ITCH: variants seen among roughly 807,000 people sequenced by gnomAD.
The protein encoded by ITCH is E3 ubiquitin-protein ligase Itchy homolog.
A neutral mutation model predicts 126.8 loss-of-function variants in ITCH; 28 were observed. The ratio of observed to expected loss-of-function variants is 0.22; its 90% CI spans 0.16 to 0.30. The LOEUF is 0.30. ITCH is among the 10% of genes least tolerant of loss of function. ITCH has a pLI of 1.00. For synonymous variants in ITCH, 342 were observed against 340.0 expected, an observed-to-expected ratio of 1.01 and a Z score of -0.06; for missense variants, 631 against 1,032.4, an observed-to-expected ratio of 0.61 and a Z score of 5.33.
At chr20:34,456,186 A>G (rs6119499) in intron 12 of ITCH, among the ~76,000 whole-genome samples, 1,644 of 41,726 alleles carry the variant, frequency 0.039, 32 homozygotes, top group African/African-American at 0.12. Context: ...GTGTGTGTGT[A>G]TATATATATA....
At chr20:34,412,437 AC>A (rs1979169843) in intron 4 of ITCH, 77 bp from the exon 5 acceptor site, 6 of 1,156,140 alleles carry the variant, frequency 5.2e-6, no homozygotes, top group Non-Finnish European at 7.6e-6. Context: ...AGACTTTAAA[AC>A]TGAATTGTAA....
At chr20:34,389,366 A>C (rs1455075021) in intron 2 of ITCH, among the ~76,000 whole-genome samples, 1 of 152,098 alleles carries the variant, frequency 6.6e-6, no homozygotes, top group Non-Finnish European at 1.5e-5. Flanking sequence ...GGATCTGTGC[A>C]GTTCAAACCA....
At chr20:34,489,993 T>C (rs981074502) in intron 22 of ITCH, 67 bp downstream of exon 22, 11 of 1,121,174 alleles carry the variant, frequency 9.8e-6, no homozygotes, top group South Asian at 2.5e-5. Context: ...TTACCACATA[T>C]GGAAATGAGT....
At chr20:34,382,103 C>T (rs2038088201) in intron 2 of ITCH, among the ~76,000 whole-genome samples, 1 of 152,070 alleles carries the variant, frequency 6.6e-6, no homozygotes. Context: ...ATCGGAGGGG[C>T]TAATCTTGGG....
At chr20:34,435,174 G>A (rs867392528) in intron 7 of ITCH, among the ~76,000 whole-genome samples, 1 of 145,122 alleles carries the variant, frequency 6.9e-6, no homozygotes, top group South Asian at 2.1e-4. Context: ...TTGTTTTTGG[G>A]TTTTTTTTTT....
At chr20:34,440,438 C>A in intron 9 of ITCH, 94 bp downstream of exon 9, 1 of 955,022 alleles carries the variant, frequency 1.0e-6, no homozygotes, top group Non-Finnish European at 1.7e-6. Flanking sequence ...ACAGTAAACT[C>A]CATTGTTTTG....
intron 22 of ITCH, among the ~76,000 whole-genome samples, chr20:34,492,278 C>T (rs375324347): frequency 2.0e-5 from 3 of 152,146 alleles, no homozygotes; most frequent in African/African-American, 4.8e-5. Flanking sequence ...CTCCTATAGT[C>T]CCAGCTACTC....
At chr20:34,379,868 AT>A (rs1473816255) in intron 2 of ITCH, among the ~76,000 whole-genome samples, 4 of 143,868 alleles carry the variant, frequency 2.8e-5, no homozygotes, top group African/African-American at 7.8e-5. Context: ...AAGTGCTGGG[AT>A]TACAGGCGTG....
At chr20:34,436,328 AG>A (rs1443860859) in intron 7 of ITCH, among the ~76,000 whole-genome samples, 34 of 152,242 alleles carry the variant, frequency 2.2e-4, no homozygotes, top group African/African-American at 7.5e-4. Context: ...TAGCAGAGTC[AG>A]AGCTAGAAAC....
intron 7 of ITCH, among the ~76,000 whole-genome samples, chr20:34,431,182 A>G (rs1322807140): frequency 6.6e-6 from 1 of 152,108 alleles, no homozygotes; most frequent in Non-Finnish European, 1.5e-5. Flanking sequence ...TGGGAGGCCC[A>G]AGGGGAAGAT....
intron 6 of ITCH, chr20:34,417,266 T>G: frequency 1.9e-6 from 1 of 526,620 alleles, no homozygotes; most frequent in Non-Finnish European, 3.4e-6. Context: ...CTGGCTAATT[T>G]TGTATTTTTT....
At chr20:34,473,031 ATAAC>A (rs900010919) in intron 16 of ITCH, among the ~76,000 whole-genome samples, 10 of 152,246 alleles carry the variant, frequency 6.6e-5, no homozygotes, top group African/African-American at 2.4e-4. Flanking sequence ...CTTTTGCAAA[ATAAC>A]TGACTAGATG....
intron 3 of ITCH, among the ~76,000 whole-genome samples, chr20:34,400,682 G>C (rs1048239747): frequency 6.1e-5 from 6 of 99,104 alleles, no homozygotes; most frequent in African/African-American, 8.1e-5. Context: ...GTTTCGTTCT[G>C]TCGCCCAGGC....
At chr20:34,421,440 T>C (rs1432800803) in intron 6 of ITCH, among the ~76,000 whole-genome samples, 1 of 152,216 alleles carries the variant, frequency 6.6e-6, no homozygotes, top group African/African-American at 2.4e-5. Context: ...CCAAAGTTTC[T>C]TGTGGGTAAA....
At chr20:34,482,894 A>T (rs1325816177) in intron 20 of ITCH, among the ~76,000 whole-genome samples, 1 of 152,048 alleles carries the variant, frequency 6.6e-6, no homozygotes, top group Non-Finnish European at 1.5e-5. Flanking sequence ...AGGCATTTCC[A>T]TACGTCTTCT....
At chr20:34,372,678 C>G (rs2122991915) in intron 2 of ITCH, among the ~76,000 whole-genome samples, 1 of 152,168 alleles carries the variant, frequency 6.6e-6, no homozygotes, top group African/African-American at 2.4e-5. Context: ...CCGTACCCGG[C>G]CTTTTAAGTT....
chr20:34,446,459 T>C (rs1480271256), intron 11 of ITCH, among the ~76,000 whole-genome samples: 1 of 152,192 alleles, frequency 6.6e-6, no homozygotes, highest in Admixed American at 6.5e-5. Context: ...GTAGACAAAT[T>C]CACCTTTATC....
rs369949798 is a variant in ITCH at position 34,414,091 on chromosome 20, G to A, written c.475+212G>A. Among the ~76,000 whole-genome samples, 15 of 149,840 alleles carry A rather than the reference G, an allele frequency of 1.0e-4. No individual in the cohort carries two copies. The East Asian group carries it at 1.4e-3, about 14-fold the overall frequency. On this transcript the variant is annotated intron_variant, in intron 6 of 24. Coordinates refer to ENST00000374864, the MANE Select transcript of ITCH (RefSeq NM_031483.7). Reference sequence around the variant, plus strand: ...TTGGAGGTTGAGGCTGCTCTGAGCCGTAATCACATCACTGCGGTCCAGCCT... The same window carrying A: ...TTGGAGGTTGAGGCTGCTCTGAGCCATAATCACATCACTGCGGTCCAGCCT...
At chr20:34,460,951 T>G (rs1051972640) in intron 13 of ITCH, among the ~76,000 whole-genome samples, 2 of 151,318 alleles carry the variant, frequency 1.3e-5, no homozygotes, top group African/African-American at 4.9e-5. Context: ...AACCCAGGAG[T>G]TTGAGGCTGC....
Sources: gnomAD v4.1 joint callset for allele counts (sites outside exome capture counted in the v4.1 genomes callset) on GRCh38, gnomAD v4.1.1 for gene constraint, MANE v1.5 for transcripts, NCBI Gene and HGNC (gene_info 2026-07-23, HGNC 2026-07-21) for gene names.